DSG4: variants seen among roughly 807,000 people sequenced by gnomAD.
DSG4 encodes the protein desmoglein 4, also known as desmoglein-4.
In DSG4, 87 loss-of-function variants were observed where a neutral mutation model predicts 93.1. The observed-to-expected ratio is 0.93, with a 90% confidence interval of 0.79 to 1.12. The LOEUF is 1.12. Ranked by LOEUF, DSG4 falls within the 50% of genes most tolerant of loss-of-function variation. The pLI is 0.00. For synonymous variants in DSG4, 432 were observed against 452.9 expected, an observed-to-expected ratio of 0.95 and a Z score of 0.59; for missense variants, 1,373 against 1,285.7, an observed-to-expected ratio of 1.07 and a Z score of -1.04.
At chr18:31,385,740 G>C (rs2072180479) in intron 2 of DSG4, among the ~76,000 whole-genome samples, 1 of 152,054 alleles carries the variant, frequency 6.6e-6, no homozygotes, top group Non-Finnish European at 1.5e-5. Context: ...ATAGGGAATA[G>C]GTGGTACATT....
At chr18:31,400,274 A>G (rs1390679529) in intron 9 of DSG4, among the ~76,000 whole-genome samples, 1 of 152,240 alleles carries the variant, frequency 6.6e-6, no homozygotes, top group Non-Finnish European at 1.5e-5. Flanking sequence ...ACAAATTGAC[A>G]GACGCAAAAA....
Position 31,409,796 on chromosome 18 carries a change from A to G in DSG4, c.2125A>G (p.Met709Val). Residue 709 changes from methionine (M) to valine (V), a missense_variant, in exon 14 of 16, where the codon ATG becomes GTG. By Grantham distance (21) the Met-to-Val change is conservative (BLOSUM62 1). Transcript: ENST00000308128. ...PMTASNTQDR[M>V]DSSEIYTNTY... Reference sequence around the variant, plus strand: ...GACAGCCTCAAATACCCAGGATCGGATGGATTCCTCTGGTCAGTAGACACC... The same window carrying G: ...GACAGCCTCAAATACCCAGGATCGGGTGGATTCCTCTGGTCAGTAGACACC... The G allele has an allele frequency of 6.2e-7, 1 of 1,614,200 alleles. No individual in the cohort carries two copies. Among genetic ancestry groups the G allele is most frequent in the Non-Finnish European group, 8.5e-7 (1 of 1,180,030 alleles).
rs560592837 is a variant in DSG4, at chr18:31,405,516, G to A, written c.1637-561G>A. ...CAGCAAGGTCCTTGCCTGCATTATA[G>A]AAGTAGCAATCCAGCAGTAAGCAAT... is the stretch of plus-strand genomic sequence containing the variant. On this transcript the variant is annotated intron_variant, in intron 11 of 15. Transcript: ENST00000308128. 3.3e-5 allele frequency among the ~76,000 whole-genome samples: 5 copies of A among 151,832 alleles called. No individual in the cohort carries two copies. In the South Asian group the frequency reaches 1.0e-3, roughly 32 times the overall value.
At chr18:31,394,784 T>C (rs1168526657) in intron 8 of DSG4, among the ~76,000 whole-genome samples, 1 of 152,128 alleles carries the variant, frequency 6.6e-6, no homozygotes, top group Admixed American at 6.6e-5. Context: ...ATTCTGAATA[T>C]TTAGTCAAGT....
chr18:31,411,332 G>A lies in DSG4; in HGVS notation c.2239G>A (p.Ala747Thr), dbSNP rs770241558. Residue 747 changes from alanine to threonine, a missense_variant, in exon 15 of 16, where the codon GCA becomes ACA. By Grantham distance (58) the Ala-to-Thr change is moderately conservative (BLOSUM62 0). Transcript: ENST00000308128. ...GGGGACAGCCGTTGGCCTCATGGCC[G>A]CAGGGGCCGCAGGAGCCTCAGGGGC... ...GMGTAVGLMAAGAAGASGAAR... is the reference protein window; with the variant it reads ...GMGTAVGLMATGAAGASGAAR... 6 of 1,611,038 alleles carry A rather than the reference G, an allele frequency of 3.7e-6. No individual in the cohort carries two copies. The Admixed American group carries it at 1.0e-4, about 27-fold the overall frequency.
Position 31,409,728 on chromosome 18 carries a change from T to C in DSG4, c.2074-17T>C, listed in dbSNP as rs764231564. On this transcript the variant is annotated splice_polypyrimidine_tract_variant and intron_variant, in intron 13 of 15. Transcript: ENST00000308128. ...ACATAAAGCGTTTGTTTTTAAAATGTTTATTTTTCTTTTCAGGATGTGTCA... is the reference window on the plus strand; with the variant it reads ...ACATAAAGCGTTTGTTTTTAAAATGCTTATTTTTCTTTTCAGGATGTGTCA... The C allele has an allele frequency of 6.2e-6, 10 of 1,614,194 alleles. No individual in the cohort carries two copies. The highest frequency in any genetic ancestry group is 8.5e-6 in the Non-Finnish European group (10 of 1,180,024).
At chr18:31,389,135 T>C (rs923690394) in intron 5 of DSG4, 117 bp downstream of exon 5, 15 of 1,110,058 alleles carry the variant, frequency 1.4e-5, no homozygotes, top group Middle Eastern at 5.9e-4. Flanking sequence ...ACTTGTATTT[T>C]GAATAAACCC....
At chr18:31,397,046 T>A (rs1376736897) in intron 8 of DSG4, among the ~76,000 whole-genome samples, 1 of 152,204 alleles carries the variant, frequency 6.6e-6, no homozygotes, top group Non-Finnish European at 1.5e-5. Context: ...CTCTTTTGGA[T>A]GGAGACTTCT....
rs1467186859 is a variant in DSG4 at position 31,404,639 on chromosome 18, G to A, written c.1636+1005G>A. On this transcript the variant is annotated intron_variant, in intron 11 of 15. Coordinates refer to ENST00000308128, the MANE Select transcript of DSG4 (RefSeq NM_177986.5). ...ATGGAGAAACCCTAAAATAAGGTGGGGAAAATACCACCAATAAAGTAAGAA... is the reference window on the plus strand; with the variant it reads ...ATGGAGAAACCCTAAAATAAGGTGGAGAAAATACCACCAATAAAGTAAGAA... Among the ~76,000 whole-genome samples the A allele has an allele frequency of 2.0e-5, 3 of 151,954 alleles. No homozygotes were observed. The East Asian group carries it at 5.8e-4, about 29-fold the overall frequency.
rs533275200 is a variant in DSG4, at chr18:31,412,425, G to A, written c.2356-403G>A. ...GTTAATAGGTGCAAAAATACTGTTAGAATGAAGAAGATCTAGTATTTGGTA... is the reference window on the plus strand; with the variant it reads ...GTTAATAGGTGCAAAAATACTGTTAAAATGAAGAAGATCTAGTATTTGGTA... On this transcript the variant is annotated intron_variant, in intron 15 of 15. Coordinates refer to ENST00000308128, the MANE Select transcript of DSG4 (RefSeq NM_177986.5). Among the ~76,000 whole-genome samples, 13 of 152,298 alleles carry A rather than the reference G, an allele frequency of 8.5e-5. No individual in the cohort carries two copies. In the South Asian group the frequency reaches 1.5e-3, roughly 17 times the overall value.
intron 5 of DSG4, 144 bp from the exon 6 acceptor site, chr18:31,390,512 A>T: frequency 1.1e-6 from 1 of 940,244 alleles, no homozygotes; most frequent in Non-Finnish European, 1.7e-6. Context: ...GGTAGAGCTG[A>T]AAGTTATGGT....
At position 31,376,890 on chromosome 18, in the gene DSG4, C is replaced by T. The variant is rs747998720; in HGVS notation, c.-22C>T. ...CTCAAATTGAATCTCACAGGATTTG[C>T]GTGCAAGAGAAACCCAAAGGAATGG... is the stretch of plus-strand genomic sequence containing the variant. On this transcript the variant is annotated 5_prime_UTR_variant, in exon 1 of 16. Transcript: ENST00000308128. The T allele has an allele frequency of 9.3e-6, 15 of 1,613,202 alleles. No homozygotes were observed. In the East Asian group the frequency reaches 1.1e-4, roughly 12 times the overall value.
Position 31,411,219 on chromosome 18 carries a change from C to T in DSG4, c.2138-12C>T, listed in dbSNP as rs759977252. The T allele has an allele frequency of 4.3e-6, 7 of 1,614,004 alleles. No homozygotes were observed. Among genetic ancestry groups the T allele is most frequent in the African/African-American group, 4.0e-5 (3 of 74,890 alleles). The stretch of plus-strand genomic sequence containing the variant: ...ACTCCAGCGCTGTTAAACCAACATC[C>T]TCCCTTTTCAGAAATCTACACCAAC... On this transcript the variant is annotated splice_polypyrimidine_tract_variant and intron_variant, in intron 14 of 15. Transcript: ENST00000308128.
In DSG4 at chr18:31,413,576, T is replaced by C. The variant is rs142409056; in HGVS notation, c.3104T>C (p.Ile1035Thr). 1.8e-4 allele frequency: 293 copies of C among 1,613,832 alleles called. No individual in the cohort carries two copies. In the East Asian group the frequency reaches 6.4e-3, roughly 35 times the overall value. The change falls in exon 16 of 16, where the codon ATA becomes ACA. Residue 1035 changes from isoleucine (I) to threonine (T), a missense_variant. Ile to Thr is a moderately conservative substitution (Grantham distance 89). Coordinates refer to ENST00000308128, the MANE Select transcript of DSG4 (RefSeq NM_177986.5). ...CACAGAGTAACACGATACAGTAACA[T>C]ACATTACACCCAACAGTAAGTGCTT... ...SRHRVTRYSN[I>T]HYTQQ
At chr18:31,395,335 C>T (rs762990903) in intron 8 of DSG4, among the ~76,000 whole-genome samples, 6 of 150,650 alleles carry the variant, frequency 4.0e-5, no homozygotes, top group Admixed American at 6.6e-5. Context: ...AATTTGGATG[C>T]TGTATATACA....
Position 31,411,420 on chromosome 18 carries a change from T to C in DSG4, c.2327T>C (p.Met776Thr). 6.2e-7 allele frequency: 1 copy of C among 1,613,806 alleles called. No individual in the cohort carries two copies. The highest frequency in any genetic ancestry group is 8.5e-7 in the Non-Finnish European group (1 of 1,179,950). The change falls in exon 15 of 16, where the codon ATG (methionine) becomes ACG (threonine). Residue 776 changes from methionine to threonine, a missense_variant. Physicochemically the swap from Met to Thr is moderately conservative, Grantham distance 81 (BLOSUM62 -1). Coordinates refer to ENST00000308128, the MANE Select transcript of DSG4 (RefSeq NM_177986.5). Reference sequence around the variant, plus strand: ...GACTACGCTGACGCAGACATCAACATGGCTTTCTTGGACAGCTACTTCTCG... The same window carrying C: ...GACTACGCTGACGCAGACATCAACACGGCTTTCTTGGACAGCTACTTCTCG... ...LRDYADADIN[M>T]AFLDSYFSEK...
In DSG4 at chr18:31,392,228, A is replaced by C; in HGVS notation, c.893A>C (p.Glu298Ala). 6.2e-7 allele frequency: 1 copy of C among 1,613,826 alleles called. No individual in the cohort carries two copies. The highest frequency in any genetic ancestry group is 8.5e-7 in the Non-Finnish European group (1 of 1,179,868). Residue 298 changes from glutamate to alanine, a missense_variant, in exon 8 of 16, where the codon GAA (glutamate) becomes GCA (alanine). Coordinates refer to ENST00000308128, the MANE Select transcript of DSG4 (RefSeq NM_177986.5). ...IRLQAIDLDE[E>A]GTDNWLAQYL... ...TTACAAGCAATTGATCTTGATGAAG[A>C]AGGCACTGATAACTGGTTGGCTCAA...
chr18:31,389,532 T>C (rs2072226194), intron 5 of DSG4, among the ~76,000 whole-genome samples: 1 of 152,138 alleles, frequency 6.6e-6, no homozygotes, highest in Admixed American at 6.6e-5. Context: ...CTTAATTCCA[T>C]TTCCAGTTCT....
chr18:31,376,955 T>C lies in DSG4; in HGVS notation c.44T>C (p.Leu15Pro). Reference protein sequence around the residue: ...FFRNICLLIILMVVMEVNSEF... With the variant: ...FFRNICLLIIPMVVMEVNSEF... ...AGAAACATTTGCCTTTTGATCATTC[T>C]AATGGTAAGTAGAATTTAAAGAGGT... Residue 15 changes from leucine to proline, a missense_variant, in exon 1 of 16, where the codon CTA becomes CCA. Physicochemically the swap from Leu to Pro is moderately conservative, Grantham distance 98. Coordinates refer to ENST00000308128, the MANE Select transcript of DSG4 (RefSeq NM_177986.5). 12 of 1,613,400 alleles carry C rather than the reference T, an allele frequency of 7.4e-6. No individual in the cohort carries two copies. Among genetic ancestry groups the C allele is most frequent in the Non-Finnish European group, 1.0e-5 (12 of 1,179,566 alleles).
Sources: gnomAD v4.1 joint callset for allele counts (sites outside exome capture counted in the v4.1 genomes callset) on GRCh38, gnomAD v4.1.1 for gene constraint, MANE v1.5 for transcripts, NCBI Gene and HGNC (gene_info 2026-07-23, HGNC 2026-07-21) for gene names.